MARCHF1: variants seen among roughly 807,000 people sequenced by gnomAD.
MARCHF1 encodes membrane associated ring-CH-type finger 1, also known as E3 ubiquitin-protein ligase MARCHF1.
In MARCHF1, 40 loss-of-function variants were observed where a neutral mutation model predicts 54.2. That is an observed-to-expected ratio of 0.74 (90% CI 0.57 to 0.96). The LOEUF (loss-of-function observed/expected upper bound fraction) is 0.96. Among genes scored for constraint, MARCHF1 ranks in the 40% least tolerant of loss-of-function variants. The pLI, the probability that MARCHF1 is intolerant of heterozygous loss-of-function variation, is 0.00. For missense variants in MARCHF1, 586 were observed against 656.5 expected, an observed-to-expected ratio of 0.89 and a Z score of 1.17; for synonymous variants, 236 against 236.3, an observed-to-expected ratio of 1.00 and a Z score of 0.01.
intron 1 of MARCHF1, among the ~76,000 whole-genome samples, chr4:164,295,953 CA>C (rs901741331): frequency 6.6e-6 from 1 of 151,878 alleles, no homozygotes; most frequent in African/African-American, 2.4e-5. Flanking sequence ...AATCTAAAAG[CA>C]AAAACAACAA....
chr4:163,589,360 C>T (rs145152570), intron 7 of MARCHF1, among the ~76,000 whole-genome samples: 134 of 152,164 alleles, frequency 8.8e-4, no homozygotes, highest in African/African-American at 3.0e-3. Flanking sequence ...ATCATTTTCT[C>T]ATAAAATTAA....
At chr4:163,918,141 T>G (rs1269553501) in intron 3 of MARCHF1, among the ~76,000 whole-genome samples, 1 of 152,192 alleles carries the variant, frequency 6.6e-6, no homozygotes, top group Non-Finnish European at 1.5e-5. Context: ...CATCATTTAG[T>G]AAATAGGGAA....
rs865930133 is a variant in MARCHF1 at position 164,126,020 on chromosome 4, G to A, written c.-322-14358C>T. The stretch of plus-strand genomic sequence containing the variant: ...CACCTATGTTCCCTGAGTTAATGTT[G>A]TAAGTTTGAAGAAGATCAAGTCTCA... On this transcript the variant is annotated intron_variant, in intron 1 of 9. Transcript: ENST00000514618. 8.5e-5 allele frequency among the ~76,000 whole-genome samples: 13 copies of A among 152,304 alleles called. No individual in the cohort carries two copies. The Middle Eastern group carries it at 0.014, about 159-fold the overall frequency.
chr4:163,791,255 T>C (rs1747767026), intron 4 of MARCHF1, among the ~76,000 whole-genome samples: 1 of 152,124 alleles, frequency 6.6e-6, no homozygotes, highest in South Asian at 2.1e-4. Flanking sequence ...CACTGTACTT[T>C]TACAGGCTAC....
intron 1 of MARCHF1, among the ~76,000 whole-genome samples, chr4:164,237,897 A>T (rs949829929): frequency 6.6e-6 from 1 of 152,076 alleles, no homozygotes; most frequent in Non-Finnish European, 1.5e-5. Flanking sequence ...TGCTAAAAAA[A>T]ATTGGGGAAA....
intron 3 of MARCHF1, among the ~76,000 whole-genome samples, chr4:163,981,113 C>T (rs370615600): frequency 1.3e-5 from 2 of 151,396 alleles, no homozygotes; most frequent in African/African-American, 2.4e-5. Context: ...TTTCCTGCAG[C>T]GTTGTGCATC....
At chr4:163,710,918 T>C (rs183892692) in intron 4 of MARCHF1, among the ~76,000 whole-genome samples, 2 of 152,228 alleles carry the variant, frequency 1.3e-5, no homozygotes, top group East Asian at 3.9e-4. Flanking sequence ...AAGCTTTTAG[T>C]GTAACACTTG....
intron 1 of MARCHF1, among the ~76,000 whole-genome samples, chr4:164,290,158 T>C (rs1042507032): frequency 1.3e-5 from 2 of 151,942 alleles, no homozygotes; most frequent in Non-Finnish European, 2.9e-5. Flanking sequence ...ACTAGAAATG[T>C]ACTCTTTCCA....
At chr4:164,373,150 T>A (rs986675489) in intron 1 of MARCHF1, among the ~76,000 whole-genome samples, 1 of 152,118 alleles carries the variant, frequency 6.6e-6, no homozygotes, top group Admixed American at 6.5e-5. Context: ...GAGAAAATAC[T>A]ATCATCTGCA....
chr4:163,951,663 T>C (rs549736432), intron 3 of MARCHF1, among the ~76,000 whole-genome samples: 1 of 152,312 alleles, frequency 6.6e-6, no homozygotes, highest in Non-Finnish European at 1.5e-5. Flanking sequence ...AAGTGCTGTA[T>C]GTACTGCAGT....
chr4:163,899,763 T>TCCACACAC (rs1287456375), intron 3 of MARCHF1, among the ~76,000 whole-genome samples: 1 of 148,752 alleles, frequency 6.7e-6, no homozygotes, highest in Non-Finnish European at 1.5e-5. Flanking sequence ...TCTCACCCAC[T>TCCACACAC]ACACACACAC....
intron 4 of MARCHF1, among the ~76,000 whole-genome samples, chr4:163,799,078 G>A (rs1449140134): frequency 6.6e-6 from 1 of 151,726 alleles, no homozygotes; most frequent in Non-Finnish European, 1.5e-5. Context: ...TGCCACACAT[G>A]GCTATTTAAA....
chr4:163,805,269 A>T (rs1748193619), intron 4 of MARCHF1, among the ~76,000 whole-genome samples: 1 of 152,014 alleles, frequency 6.6e-6, no homozygotes, highest in African/African-American at 2.4e-5. Flanking sequence ...TTAGTTATTA[A>T]TTTTTCTTTA....
chr4:164,185,297 C>T (rs1320688624), intron 1 of MARCHF1, among the ~76,000 whole-genome samples: 2 of 152,170 alleles, frequency 1.3e-5, no homozygotes, highest in Admixed American at 1.3e-4. Flanking sequence ...TTGTAACACA[C>T]ATAAGGCATC....
chr4:164,040,954 A>G (rs1754116511), intron 2 of MARCHF1, among the ~76,000 whole-genome samples: 1 of 152,082 alleles, frequency 6.6e-6, no homozygotes, highest in African/African-American at 2.4e-5. Context: ...CTGTGTGCAT[A>G]TTTTAGTGAA....
intron 7 of MARCHF1, among the ~76,000 whole-genome samples, chr4:163,591,345 C>G (rs1005627618): frequency 6.6e-6 from 1 of 151,980 alleles, no homozygotes; most frequent in African/African-American, 2.4e-5. Context: ...AGACTCACAT[C>G]CCTAATTAAA....
intron 8 of MARCHF1, among the ~76,000 whole-genome samples, chr4:163,549,545 G>T (rs1739030539): frequency 6.6e-6 from 1 of 152,282 alleles, no homozygotes; most frequent in South Asian, 2.1e-4. Context: ...ATACCTTGAA[G>T]ATGGGGGATG....
At position 163,742,413 on chromosome 4, in the gene MARCHF1, T is replaced by C. The variant is rs527832818; in HGVS notation, c.112-41550A>G. On this transcript the variant is annotated intron_variant, in intron 4 of 9. Transcript: ENST00000514618. The stretch of plus-strand genomic sequence containing the variant: ...TTCCTTCCTCCCTTCCTTCCTTCCT[T>C]CCTTCCTTCCTTCCTTCCTTTTCTT... Among the ~76,000 whole-genome samples, 464 of 140,952 alleles carry C rather than the reference T, an allele frequency of 3.3e-3. 1 individual carries two copies. The highest frequency in any genetic ancestry group is 0.012 in the African/African-American group (443 of 38,166). 92.5% of individuals were successfully genotyped at this position (140,952 alleles called of 152,430 possible). A position where few individuals can be genotyped will look rare whatever the true frequency, so the allele number is the denominator to read the frequency against.
At chr4:163,946,424 C>A (rs528026634) in intron 3 of MARCHF1, among the ~76,000 whole-genome samples, 39 of 152,226 alleles carry the variant, frequency 2.6e-4, no homozygotes, top group African/African-American at 8.7e-4. Flanking sequence ...TCTCTATTCA[C>A]CCTAATCTTT....
Sources: allele counts gnomAD v4.1 joint callset (sites outside exome capture counted in the v4.1 genomes callset), GRCh38; gene constraint gnomAD v4.1.1; transcripts MANE v1.5; gene names NCBI Gene and HGNC (gene_info 2026-07-23, HGNC 2026-07-21).